The following SCRG1 variants were observed in gnomAD, a reference collection of about 807,000 sequenced individuals.
SCRG1 encodes the protein stimulator of chondrogenesis 1.
A neutral mutation model predicts 7.7 loss-of-function variants in SCRG1; 3 were observed. The ratio of observed to expected loss-of-function variants is 0.39; its 90% CI spans 0.18 to 1.01. The LOEUF is 1.01. Ranked by LOEUF, SCRG1 falls within the 50% of genes least tolerant of loss-of-function variation. The probability of loss-of-function intolerance (pLI) is 0.36; values close to 1 mark genes in which losing one functional copy is unlikely to be tolerated. For synonymous variants in SCRG1, 46 were observed against 41.2 expected (o/e 1.12, Z -0.44); for missense variants, 110 against 117.2 (o/e 0.94, Z 0.28).
At chr4:173,439,065 C>T in the SCRG1 span, among the ~76,000 whole-genome samples, 1 of 152,022 alleles carries the variant, frequency 6.6e-6, no homozygotes, top group African/African-American at 2.4e-5. Context: ...GAGTGATTAT[C>T]CACGTGCTTT....
the SCRG1 span, among the ~76,000 whole-genome samples, chr4:173,454,438 T>C: frequency 6.6e-6 from 1 of 152,162 alleles, no homozygotes; most frequent in Non-Finnish European, 1.5e-5. Flanking sequence ...GGTCTGAGCA[T>C]GAAGTGTGGA....
the SCRG1 span, among the ~76,000 whole-genome samples, chr4:173,438,203 CT>C: frequency 6.6e-6 from 1 of 152,118 alleles, no homozygotes; most frequent in African/African-American, 2.4e-5. Flanking sequence ...GCAGTATTGA[CT>C]TTCTGGGCTC....
At chr4:173,502,322 T>C in the SCRG1 span, among the ~76,000 whole-genome samples, 1 of 151,514 alleles carries the variant, frequency 6.6e-6, no homozygotes, top group African/African-American at 2.4e-5. The surrounding 1 kb of genome is among the most constrained non-coding windows in gnomAD (Gnocchi z 4.6). Context: ...CAGGTGGGGG[T>C]AGTTTGACTC....
exon 1 of SCRG1, chr4:173,406,321 A>C (rs973722275): frequency 1.3e-5 from 2 of 152,198 alleles, no homozygotes; most frequent in African/African-American, 4.8e-5. Context: ...TTTTACCTTT[A>C]GTTTGACAGA....
the SCRG1 span, among the ~76,000 whole-genome samples, chr4:173,450,429 G>T: frequency 6.6e-6 from 1 of 152,146 alleles, no homozygotes; most frequent in Non-Finnish European, 1.5e-5. Flanking sequence ...GCGTTCCTGA[G>T]CCACTGCAAA....
At chr4:173,438,470 T>G in the SCRG1 span, among the ~76,000 whole-genome samples, 2 of 152,210 alleles carry the variant, frequency 1.3e-5, no homozygotes, top group East Asian at 3.9e-4. Flanking sequence ...AAATCTCAAT[T>G]AAAATTGCTG....
the SCRG1 span, among the ~76,000 whole-genome samples, chr4:173,498,015 T>A: frequency 6.6e-6 from 1 of 152,216 alleles, no homozygotes; most frequent in Non-Finnish European, 1.5e-5. Context: ...TCCTACTAGC[T>A]TCTTCGCCTT....
chr4:173,510,438 A>G, the SCRG1 span, among the ~76,000 whole-genome samples: 1 of 151,890 alleles, frequency 6.6e-6, no homozygotes, highest in South Asian at 2.1e-4. The surrounding 1 kb of genome is among the most constrained non-coding windows in gnomAD (Gnocchi z 5.7). Context: ...ATATATATAT[A>G]TATATATAAA....
the SCRG1 span, among the ~76,000 whole-genome samples, chr4:173,465,228 G>A: frequency 3.3e-5 from 5 of 152,178 alleles, no homozygotes; most frequent in African/African-American, 1.2e-4. Context: ...CTTAAAAATA[G>A]TGAAAATGGT....
the SCRG1 span, among the ~76,000 whole-genome samples, chr4:173,437,863 A>G: frequency 0.38 from 57,356 of 152,050 alleles, 11,036 homozygotes; most frequent in South Asian, 0.53. Flanking sequence ...ATGAAAAAAC[A>G]TAGGCAGTGC....
chr4:173,452,979 G>A, the SCRG1 span, among the ~76,000 whole-genome samples: 2 of 152,192 alleles, frequency 1.3e-5, no homozygotes, highest in African/African-American at 4.8e-5. Flanking sequence ...ACCCTAGAGT[G>A]TCATGGATGC....
chr4:173,485,321 G>A, the SCRG1 span, among the ~76,000 whole-genome samples: 60 of 114,450 alleles, frequency 5.2e-4, no homozygotes, highest in Non-Finnish European at 8.5e-4. Flanking sequence ...TGTCTACCAA[G>A]TGAATTAGTC....
the SCRG1 span, among the ~76,000 whole-genome samples, chr4:173,424,312 A>G: frequency 1.9e-4 from 29 of 152,366 alleles, no homozygotes; most frequent in African/African-American, 6.5e-4. Flanking sequence ...AAAAAATAGA[A>G]ATTGTATTTA....
the SCRG1 span, among the ~76,000 whole-genome samples, chr4:173,451,626 CTTACTTATTTTATTTATTTATTTAT>C: frequency 5.1e-3 from 622 of 121,478 alleles, 4 homozygotes; most frequent in Non-Finnish European, 6.3e-3. Context: ...TTTTATTTTA[CTTACTTATTTTATTTATTTATTTAT>C]TTATTTATTT....
At chr4:173,489,519 T>TTTTG in the SCRG1 span, among the ~76,000 whole-genome samples, 1 of 151,868 alleles carries the variant, frequency 6.6e-6, no homozygotes, top group African/African-American at 2.4e-5. Context: ...AATTTTTTTT[T>TTTTG]TTTGTTTGTT....
the SCRG1 span, among the ~76,000 whole-genome samples, chr4:173,485,788 G>A: frequency 1.3e-5 from 2 of 151,976 alleles, no homozygotes; most frequent in East Asian, 1.9e-4. Context: ...TGTTCAACAT[G>A]GTGAAACCCC....
chr4:173,510,388 G>T, the SCRG1 span, among the ~76,000 whole-genome samples: 1 of 150,974 alleles, frequency 6.6e-6, no homozygotes, highest in African/African-American at 2.5e-5. The surrounding 1 kb of genome is among the most constrained non-coding windows in gnomAD (Gnocchi z 5.7). Flanking sequence ...AGTACTCCAG[G>T]GCAACTTCAA....
At chr4:173,486,317 T>G in the SCRG1 span, among the ~76,000 whole-genome samples, 1,521 of 152,308 alleles carry the variant, frequency 1.0e-2, 16 homozygotes, top group Non-Finnish European at 0.017. Flanking sequence ...TCCTAGGTGA[T>G]TTTAACCTTA....
the SCRG1 span, among the ~76,000 whole-genome samples, chr4:173,502,777 A>G: frequency 6.6e-6 from 1 of 152,182 alleles, no homozygotes; most frequent in African/African-American, 2.4e-5. This position sits in a 1 kb window ranked among gnomAD's most constrained non-coding sequence, Gnocchi z 4.6. Flanking sequence ...GATCCTCCCC[A>G]CAAGGTCCAA....
Sources: allele counts gnomAD v4.1 joint callset (sites outside exome capture counted in the v4.1 genomes callset), GRCh38; gene constraint gnomAD v4.1.1; non-coding constraint Gnocchi (gnomAD v3.1); transcripts MANE v1.5; gene names NCBI Gene and HGNC (gene_info 2026-07-23, HGNC 2026-07-21).